EYA2: variants seen among roughly 807,000 people sequenced by gnomAD.
EYA2 encodes the protein protein phosphatase EYA2.
EYA2 carries 31 observed loss-of-function variants against 69.2 expected under a neutral mutation model. The ratio of observed to expected loss-of-function variants is 0.45; its 90% confidence interval spans 0.34 to 0.60. The LOEUF (loss-of-function observed/expected upper bound fraction) is 0.60. Among genes scored for constraint, EYA2 ranks in the 20% least tolerant of loss-of-function variants. The probability of loss-of-function intolerance (pLI) is 0.02; values close to 1 mark genes in which losing one functional copy is unlikely to be tolerated. For synonymous variants in EYA2, 257 were observed against 279.4 expected, an observed-to-expected ratio of 0.92 and a Z score of 0.80; for missense variants, 622 against 701.2, an observed-to-expected ratio of 0.89 and a Z score of 1.28.
At chr20:46,930,897 C>T (rs184979797) in intron 1 of EYA2, among the ~76,000 whole-genome samples, 30 of 152,284 alleles carry the variant, frequency 2.0e-4, no homozygotes, top group Admixed American at 1.4e-3. Context: ...TAACCAAGAA[C>T]GTCACTTAGG....
intron 5 of EYA2, among the ~76,000 whole-genome samples, chr20:47,064,970 C>A (rs1486014136): frequency 6.6e-6 from 1 of 152,200 alleles, no homozygotes; most frequent in Non-Finnish European, 1.5e-5. Context: ...TTCCACATGG[C>A]TGCGGAGGCC....
intron 1 of EYA2, among the ~76,000 whole-genome samples, chr20:46,927,986 A>T: frequency 6.6e-6 from 1 of 152,214 alleles, no homozygotes; most frequent in East Asian, 1.9e-4. Context: ...AACAGATAAT[A>T]CTCATGTAGC....
chr20:47,102,972 G>T (rs1386617187), intron 9 of EYA2, among the ~76,000 whole-genome samples: 2 of 152,192 alleles, frequency 1.3e-5, no homozygotes, highest in East Asian at 3.8e-4. Context: ...AAATTAGTCA[G>T]CTTTCCTCCA....
intron 10 of EYA2, among the ~76,000 whole-genome samples, chr20:47,168,349 G>A (rs1001426514): frequency 4.0e-5 from 6 of 151,824 alleles, no homozygotes; most frequent in African/African-American, 9.7e-5. Context: ...CTGCCACCAC[G>A]CCCAGCTAAT....
chr20:47,056,054 A>T (rs571281211), intron 5 of EYA2, among the ~76,000 whole-genome samples: 68 of 152,286 alleles, frequency 4.5e-4, no homozygotes, highest in African/African-American at 1.5e-3. Flanking sequence ...TGGCGTTCTC[A>T]GGCATGCGGA....
intron 2 of EYA2, among the ~76,000 whole-genome samples, chr20:46,994,127 T>A (rs1219599987): frequency 6.6e-6 from 1 of 152,228 alleles, no homozygotes; most frequent in Non-Finnish European, 1.5e-5. Flanking sequence ...ATATTGGTTC[T>A]GAATCCTTAG....
At chr20:47,134,520 A>C (rs80059649) in intron 9 of EYA2, among the ~76,000 whole-genome samples, 3,364 of 152,152 alleles carry the variant, frequency 0.022, 115 homozygotes, top group East Asian at 0.09. Flanking sequence ...TATTGTTTTT[A>C]ATTTTTTTTA....
At chr20:46,957,209 G>A (rs1461238044) in intron 1 of EYA2, among the ~76,000 whole-genome samples, 1 of 152,112 alleles carries the variant, frequency 6.6e-6, no homozygotes, top group East Asian at 1.9e-4. Flanking sequence ...GGGACCTCTG[G>A]TCAGCTCTTT....
At chr20:46,896,355 T>C (rs1456858819) in intron 1 of EYA2, among the ~76,000 whole-genome samples, 1 of 151,706 alleles carries the variant, frequency 6.6e-6, no homozygotes, top group Non-Finnish European at 1.5e-5. Flanking sequence ...CTTACCAGAC[T>C]ATGACCCATT....
At chr20:46,971,776 T>TA (rs551335832) in intron 1 of EYA2, among the ~76,000 whole-genome samples, 87 of 152,342 alleles carry the variant, frequency 5.7e-4, no homozygotes, top group Middle Eastern at 3.4e-3. Context: ...GAATTAAATA[T>TA]AAAAAATGTT....
At chr20:47,085,668 A>T (rs1047056681) in intron 7 of EYA2, among the ~76,000 whole-genome samples, 1 of 152,008 alleles carries the variant, frequency 6.6e-6, no homozygotes, top group African/African-American at 2.4e-5. Context: ...AAAGAAAGAA[A>T]TGAAGTATCG....
Position 47,183,356 on chromosome 20 carries a change from G to A in EYA2, c.1501G>A (p.Gly501Ser), listed in dbSNP as rs2034574959. ...FGRKAVYVVI[G>S]DGVEEEQGAK... ...CAGAAAAGCTGTCTACGTGGTGATC[G>A]GTGATGGTGTGGAAGAGGAGCAAGG... is the stretch of plus-strand genomic sequence containing the variant. Residue 501 changes from glycine (G) to serine (S), a missense_variant, in exon 15 of 16, where the codon GGT becomes AGT. Around this residue, in one of 2 missense-constraint regions of EYA2, gnomAD observed 257 missense variants for 351.5 expected, o/e 0.73. Transcript: ENST00000327619. 3.1e-6 allele frequency: 5 copies of A among 1,614,088 alleles called. No homozygotes were observed. Among genetic ancestry groups the A allele is most frequent in the Admixed American group, 1.7e-5 (1 of 60,022 alleles).
chr20:47,179,031 G>A (rs2034480843), intron 12 of EYA2, among the ~76,000 whole-genome samples: 1 of 151,848 alleles, frequency 6.6e-6, no homozygotes, highest in Admixed American at 6.6e-5. Context: ...TAAAAGCAGA[G>A]CCCTGCACAT....
At chr20:47,089,451 CAG>C (rs1221170342) in intron 8 of EYA2, 70 bp downstream of exon 8, 4 of 1,515,880 alleles carry the variant, frequency 2.6e-6, no homozygotes, top group Non-Finnish European at 2.7e-6. Flanking sequence ...AGAGTGGGGA[CAG>C]AGTTTTCTCC....
At chr20:47,121,954 G>A (rs2033057294) in intron 9 of EYA2, among the ~76,000 whole-genome samples, 1 of 152,140 alleles carries the variant, frequency 6.6e-6, no homozygotes, top group South Asian at 2.1e-4. Flanking sequence ...TCACACTGAG[G>A]GCATCTGCAG....
At chr20:46,919,191 G>A (rs542379454) in intron 1 of EYA2, among the ~76,000 whole-genome samples, 2 of 152,318 alleles carry the variant, frequency 1.3e-5, no homozygotes, top group South Asian at 4.1e-4. Flanking sequence ...AATGGTAAAT[G>A]AGCATTGGCT....
intron 3 of EYA2, among the ~76,000 whole-genome samples, chr20:47,002,754 G>T (rs1982461281): frequency 6.6e-6 from 1 of 152,182 alleles, no homozygotes; most frequent in Non-Finnish European, 1.5e-5. Context: ...GAAACTCAGA[G>T]ATGGATGAGA....
chr20:47,007,057 A>G (rs1444436442), intron 4 of EYA2, among the ~76,000 whole-genome samples: 5 of 152,064 alleles, frequency 3.3e-5, no homozygotes, highest in Non-Finnish European at 7.4e-5. Flanking sequence ...AGCCTCCCAA[A>G]TAGCTCAGAC....
At chr20:46,996,718 G>A (rs769350764) in intron 2 of EYA2, among the ~76,000 whole-genome samples, 1 of 152,146 alleles carries the variant, frequency 6.6e-6, no homozygotes, top group Non-Finnish European at 1.5e-5. Flanking sequence ...CTGAAACTGG[G>A]TAATTTTAAA....
Sources: gnomAD v4.1 joint callset for allele counts (sites outside exome capture counted in the v4.1 genomes callset) on GRCh38, gnomAD v4.1.1 for gene constraint, gnomAD v4.1.1 regional missense constraint, MANE v1.5 for transcripts, NCBI Gene and HGNC (gene_info 2026-07-23, HGNC 2026-07-21) for gene names.